Variants in THSD7B observed in about 807,000 individuals in gnomAD.
THSD7B encodes thrombospondin type-1 domain-containing protein 7B.
A neutral mutation model predicts 213.6 loss-of-function variants in THSD7B; 138 were observed. That is an observed-to-expected ratio of 0.65 (90% confidence interval 0.56 to 0.74). The LOEUF is 0.74. Among genes scored for constraint, THSD7B ranks in the 30% least tolerant of loss-of-function variants. THSD7B has a pLI of 0.00. For missense variants in THSD7B, 1,931 were observed against 1,991.5 expected (o/e 0.97, Z 0.58); for synonymous variants, 742 against 687.0 (o/e 1.08, Z -1.25).
chr2:137,089,314 A>ATATACATATATATGTGTGTGTATATG (rs1687904633), intron 3 of THSD7B, among the ~76,000 whole-genome samples: 1 of 148,908 alleles, frequency 6.7e-6, no homozygotes, highest in Non-Finnish European at 1.5e-5. Flanking sequence ...GTATATGTAT[A>ATATACATATATATGTGTGTGTATATG]TATACATATA....
chr2:137,281,409 T>TTTA (rs899770098), intron 12 of THSD7B, among the ~76,000 whole-genome samples: 8 of 151,914 alleles, frequency 5.3e-5, no homozygotes, highest in Middle Eastern at 3.4e-3. Context: ...TTTCTTATTT[T>TTTA]TTATTATTAT....
At chr2:136,944,907 A>G (rs796636411) in intron 2 of THSD7B, among the ~76,000 whole-genome samples, 2 of 152,172 alleles carry the variant, frequency 1.3e-5, no homozygotes, top group African/African-American at 4.8e-5. Flanking sequence ...TAATATTGTT[A>G]TGTGTGAATC....
At chr2:137,020,408 C>T (rs964952678) in intron 2 of THSD7B, among the ~76,000 whole-genome samples, 15 of 152,150 alleles carry the variant, frequency 9.9e-5, no homozygotes, top group African/African-American at 2.7e-4. Flanking sequence ...TGCCTGCAAT[C>T]GCTTTAGAAA....
chr2:137,547,456 T>C (rs1680763889), intron 15 of THSD7B, among the ~76,000 whole-genome samples: 1 of 152,018 alleles, frequency 6.6e-6, no homozygotes, highest in African/African-American at 2.4e-5. Context: ...TGTGTGTGTA[T>C]GTGTGTGTAT....
intron 9 of THSD7B, among the ~76,000 whole-genome samples, chr2:137,236,437 C>T (rs1465375628): frequency 1.3e-5 from 2 of 152,168 alleles, no homozygotes; most frequent in Non-Finnish European, 2.9e-5. Flanking sequence ...CTGGTAACAA[C>T]TGAATCAGAG....
chr2:137,638,306 A>G (rs1157251827), intron 20 of THSD7B, among the ~76,000 whole-genome samples: 28 of 152,120 alleles, frequency 1.8e-4, no homozygotes, highest in Admixed American at 1.5e-3. Context: ...TGCTATTCTT[A>G]TGATAGTGAA....
chr2:137,655,131 A>G (rs952177669), intron 21 of THSD7B, among the ~76,000 whole-genome samples: 27 of 152,136 alleles, frequency 1.8e-4, no homozygotes, highest in African/African-American at 4.8e-4. Context: ...GTAAAATAAA[A>G]GAAATTTATG....
intron 3 of THSD7B, among the ~76,000 whole-genome samples, chr2:137,091,562 G>A (rs1011271667): frequency 7.3e-5 from 11 of 151,194 alleles, no homozygotes; most frequent in Non-Finnish European, 1.6e-4. Context: ...TCTGGAGGCC[G>A]TATATCCAAG....
chr2:137,324,682 G>A (rs1011341201), intron 12 of THSD7B, among the ~76,000 whole-genome samples: 1 of 152,136 alleles, frequency 6.6e-6, no homozygotes, highest in Non-Finnish European at 1.5e-5. Flanking sequence ...TAATTTAAGG[G>A]AAAGTGTATA....
Position 137,160,347 on chromosome 2 carries a change from C to G in THSD7B, c.1504C>G (p.His502Asp), listed in dbSNP as rs1393460861. The G allele has an allele frequency of 6.2e-7, 1 of 1,613,136 alleles. No homozygotes were observed. Among genetic ancestry groups the G allele is most frequent in the East Asian group, 2.2e-5 (1 of 44,814 alleles). Reference sequence around the variant, plus strand: ...GGGCCTGTGCATCCATGAAAACTGTCATGATCCTCAGGGGAAAAAAGGTGA... The same window carrying G: ...GGGCCTGTGCATCCATGAAAACTGTGATGATCCTCAGGGGAAAAAAGGTGA... Reference protein sequence around the residue: ...AWGLCIHENCHDPQGKKGFRT... With the variant: ...AWGLCIHENCDDPQGKKGFRT... Residue 502 changes from histidine to aspartate, a missense_variant, in exon 6 of 28, where the codon CAT (histidine) becomes GAT (aspartate). His to Asp is a moderately conservative substitution (Grantham distance 81). Coordinates refer to ENST00000409968, the MANE Select transcript of THSD7B (RefSeq NM_001316349.2).
rs898602126 is a variant in THSD7B, at chr2:136,905,927, G to A, written c.139+23610G>A. ...CTCTGAATCTTGAACACCGGGTGAGGAATACTTACAGCTAAAGGCAGAATC... is the reference window on the plus strand; with the variant it reads ...CTCTGAATCTTGAACACCGGGTGAGAAATACTTACAGCTAAAGGCAGAATC... On this transcript the variant is annotated intron_variant, in intron 2 of 27. Transcript: ENST00000409968. 7.9e-5 allele frequency among the ~76,000 whole-genome samples: 12 copies of A among 152,208 alleles called. No homozygotes were observed. In the South Asian group the frequency reaches 1.0e-3, roughly 13 times the overall value.
At chr2:137,103,759 T>C (rs933966146) in intron 4 of THSD7B, among the ~76,000 whole-genome samples, 4 of 151,584 alleles carry the variant, frequency 2.6e-5, no homozygotes, top group African/African-American at 9.7e-5. Context: ...AAACAGACTT[T>C]AAACCAACAA....
intron 2 of THSD7B, among the ~76,000 whole-genome samples, chr2:136,980,129 C>T (rs796364352): frequency 3.3e-4 from 50 of 152,316 alleles, no homozygotes; most frequent in African/African-American, 1.2e-3. Context: ...GCAAGGATGG[C>T]TGCCTACTCC....
At chr2:137,203,349 T>G (rs10153631) in intron 7 of THSD7B, among the ~76,000 whole-genome samples, 91,095 of 151,912 alleles carry the variant, frequency 0.6, 27,702 homozygotes, top group South Asian at 0.72. Context: ...TAATAATTGT[T>G]TCAGATTGTC....
intron 17 of THSD7B, among the ~76,000 whole-genome samples, chr2:137,585,761 A>G (rs1463123795): frequency 2.0e-5 from 3 of 152,164 alleles, no homozygotes; most frequent in Non-Finnish European, 4.4e-5. Flanking sequence ...ACTTTCAACT[A>G]TGTGGTCAAT....
chr2:137,095,889 A>T (rs1470596874), intron 4 of THSD7B, among the ~76,000 whole-genome samples: 1 of 152,024 alleles, frequency 6.6e-6, no homozygotes, highest in Non-Finnish European at 1.5e-5. Context: ...TTGTATAGAG[A>T]TGGGGTCTCA....
intron 1 of THSD7B, among the ~76,000 whole-genome samples, chr2:136,796,802 C>T (rs1056131472): frequency 1.3e-5 from 2 of 151,822 alleles, no homozygotes; most frequent in African/African-American, 4.8e-5. Context: ...TATCTTTCTC[C>T]TTAAAAAGCT....
At chr2:136,984,068 A>G (rs1685630960) in intron 2 of THSD7B, among the ~76,000 whole-genome samples, 1 of 152,254 alleles carries the variant, frequency 6.6e-6, no homozygotes. Flanking sequence ...TTAAAAAAAG[A>G]GAGCAAGAAA....
In THSD7B at chr2:136,955,032, G is replaced by A. The variant is rs1685102706; in HGVS notation, c.139+72715G>A. On this transcript the variant is annotated intron_variant, in intron 2 of 27. Coordinates refer to ENST00000409968, the MANE Select transcript of THSD7B (RefSeq NM_001316349.2). ...TCTTAATTGTTTTATGCCTAAAGTCGACGTTTGGGTTGACTTTATCAGAGG... is the reference window on the plus strand; with the variant it reads ...TCTTAATTGTTTTATGCCTAAAGTCAACGTTTGGGTTGACTTTATCAGAGG... Among the ~76,000 whole-genome samples, 4 of 152,076 alleles carry A rather than the reference G, an allele frequency of 2.6e-5. No individual in the cohort carries two copies. The South Asian group carries it at 8.3e-4, about 32-fold the overall frequency.
Sources: gnomAD v4.1 joint callset for allele counts (sites outside exome capture counted in the v4.1 genomes callset) on GRCh38, gnomAD v4.1.1 for gene constraint, MANE v1.5 for transcripts, NCBI Gene and HGNC (gene_info 2026-07-23, HGNC 2026-07-21) for gene names.